KIF23: variants seen among roughly 807,000 people sequenced by gnomAD.
The protein encoded by KIF23 is kinesin-like protein KIF23.
KIF23 carries 30 observed loss-of-function variants against 137.5 expected under a neutral mutation model. That is an observed-to-expected ratio of 0.22 (90% confidence interval 0.16 to 0.30). The LOEUF (loss-of-function observed/expected upper bound fraction) is 0.30. Ranked by LOEUF, KIF23 falls within the 10% of genes least tolerant of loss-of-function variation. The probability of loss-of-function intolerance (pLI) is 1.00; values close to 1 mark genes in which losing one functional copy is unlikely to be tolerated. For missense variants in KIF23, 920 were observed against 1,194.3 expected, an observed-to-expected ratio of 0.77 and a Z score of 3.38; for synonymous variants, 367 against 391.1, an observed-to-expected ratio of 0.94 and a Z score of 0.73.
chr15:69,429,299 C>T, intron 11 of KIF23, 86 bp downstream of exon 11: 1 of 888,688 alleles, frequency 1.1e-6, no homozygotes, highest in South Asian at 1.6e-5. Flanking sequence ...ATGGGTGGTT[C>T]TTTGTTTTTT....
intron 10 of KIF23, among the ~76,000 whole-genome samples, chr15:69,428,634 G>A (rs1057445086): frequency 7.8e-6 from 1 of 127,834 alleles, no homozygotes; most frequent in African/African-American, 3.0e-5. Flanking sequence ...CAATCCAGCC[G>A]GGAGGTAGAG....
At position 69,426,387 on chromosome 15, in the gene KIF23, G is replaced by A. The variant is rs773768085; in HGVS notation, c.941G>A (p.Arg314His). 1 of 1,613,972 alleles carries A rather than the reference G, an allele frequency of 6.2e-7. No individual in the cohort carries two copies. Among genetic ancestry groups the A allele is most frequent in the Admixed American group, 1.7e-5 (1 of 60,016 alleles). ...ACCCATTTGAATCGTGAGTCCAGCC[G>A]TTCCCATAGCGTGTTCAACATTAAA... is the stretch of plus-strand genomic sequence containing the variant. ...ANTHLNRESS[R>H]SHSVFNIKLV... Residue 314 changes from arginine (R) to histidine (H), a missense_variant, in exon 10 of 24, where the codon CGT becomes CAT. Coordinates refer to ENST00000679126, the MANE Select transcript of KIF23 (RefSeq NM_001367805.3).
chr15:69,441,823 C>T lies in KIF23; in HGVS notation c.2421+744C>T, dbSNP rs1375288795. On this transcript the variant is annotated intron_variant, in intron 19 of 23. Coordinates refer to ENST00000679126, the MANE Select transcript of KIF23 (RefSeq NM_001367805.3). The stretch of plus-strand genomic sequence containing the variant: ...TCACTCTGTCACCCAGGATGGAGTG[C>T]AGTGGCATGATTATGGCTCACTGCA... 2.6e-5 allele frequency among the ~76,000 whole-genome samples: 4 copies of T among 151,394 alleles called. No homozygotes were observed. In the South Asian group the frequency reaches 8.3e-4, roughly 31 times the overall value.
chr15:69,432,934 C>G (rs1410870106), intron 11 of KIF23, among the ~76,000 whole-genome samples: 1 of 152,136 alleles, frequency 6.6e-6, no homozygotes, highest in Admixed American at 6.5e-5. Context: ...ATTGAAGGAA[C>G]TAGTGAATTC....
At chr15:69,427,316 A>G in intron 10 of KIF23, 1 of 444,758 alleles carries the variant, frequency 2.2e-6, no homozygotes, top group South Asian at 1.6e-5. Context: ...ACACCAAGGG[A>G]TGACTCTGTA....
intron 7 of KIF23, among the ~76,000 whole-genome samples, chr15:69,424,083 C>T (rs1463878384): frequency 6.6e-6 from 1 of 152,074 alleles, no homozygotes; most frequent in Non-Finnish European, 1.5e-5. Flanking sequence ...TCTAAGGGAA[C>T]ATTATTGGAG....
chr15:69,427,572 T>C, intron 10 of KIF23: 1 of 413,458 alleles, frequency 2.4e-6, no homozygotes, highest in Middle Eastern at 4.5e-4. Flanking sequence ...GTTTAGGAAG[T>C]GGCTAGTGTT....
At chr15:69,414,559 C>CAGGCGTCTCCACTCAGGA in intron 1 of KIF23, 83 bp downstream of exon 1, 1 of 1,286,972 alleles carries the variant, frequency 7.8e-7, no homozygotes, top group South Asian at 1.7e-5. Flanking sequence ...TCCACTCAGG[C>CAGGCGTCTCCACTCAGGA]CGCGGCCGTA....
At chr15:69,419,573 C>T (rs1453941244) in intron 3 of KIF23, among the ~76,000 whole-genome samples, 1 of 152,196 alleles carries the variant, frequency 6.6e-6, no homozygotes, top group Non-Finnish European at 1.5e-5. Flanking sequence ...GTTGTATAGA[C>T]TACCCAATCA....
chr15:69,440,473 C>G lies in KIF23; in HGVS notation c.2095C>G (p.Pro699Ala), dbSNP rs750899135. The G allele has an allele frequency of 6.2e-7, 1 of 1,611,266 alleles. No individual in the cohort carries two copies. The highest frequency in any genetic ancestry group is 1.1e-5 in the South Asian group (1 of 90,440). Reference sequence around the variant, plus strand: ...AAAAGTTACTCAAAGATCTGTTTCTCCATCACCTGTGCCTGTAAGTTATTT... The same window carrying G: ...AAAAGTTACTCAAAGATCTGTTTCTGCATCACCTGTGCCTGTAAGTTATTT... ...REKVTQRSVS[P>A]SPVPLSSNYI... The change falls in exon 18 of 24, where the codon CCA (proline) becomes GCA (alanine). Residue 699 changes from proline (P) to alanine (A), a missense_variant. Coordinates refer to ENST00000679126, the MANE Select transcript of KIF23 (RefSeq NM_001367805.3).
In KIF23 at chr15:69,414,378, C is replaced by T; in HGVS notation, c.-88C>T. The T allele has an allele frequency of 6.5e-7, 1 of 1,531,798 alleles. No homozygotes were observed. The highest frequency in any genetic ancestry group is 1.4e-5 in the African/African-American group (1 of 72,372). 94.9% of individuals were successfully genotyped at this position (1,531,798 alleles called of 1,614,324 possible). The stretch of plus-strand genomic sequence containing the variant: ...AGCACCGCGCCTTAGCCGCGAAGTT[C>T]TAGTTCTTGCTGCCGGTCCTAACGT... On this transcript the variant is annotated 5_prime_UTR_variant, in exon 1 of 24. Coordinates refer to ENST00000679126, the MANE Select transcript of KIF23 (RefSeq NM_001367805.3).
At chr15:69,423,916 G>T (rs1421555425) in intron 7 of KIF23, among the ~76,000 whole-genome samples, 1 of 152,162 alleles carries the variant, frequency 6.6e-6, no homozygotes, top group East Asian at 1.9e-4. Flanking sequence ...ATTTGTGCCA[G>T]AGTTGACCCT....
chr15:69,428,264 A>G lies in KIF23; in HGVS notation c.1012-847A>G, dbSNP rs534616848. Among the ~76,000 whole-genome samples the G allele has an allele frequency of 1.1e-4, 17 of 151,516 alleles. 1 individual carries two copies. In the South Asian group the frequency reaches 3.3e-3, roughly 30 times the overall value. ...GTGAGACTCTGTCTAAAAAAAAAAA[A>G]TGGTTATAAGTCAGCCTTCCATATG... On this transcript the variant is annotated intron_variant, in intron 10 of 23. Transcript: ENST00000679126.
At chr15:69,442,147 C>T (rs1341156646) in intron 19 of KIF23, among the ~76,000 whole-genome samples, 1 of 152,124 alleles carries the variant, frequency 6.6e-6, no homozygotes, top group Non-Finnish European at 1.5e-5. Context: ...AAAATAGTCT[C>T]ACCCTGTCCC....
At chr15:69,428,574 C>T (rs942087348) in intron 10 of KIF23, among the ~76,000 whole-genome samples, 21 of 141,876 alleles carry the variant, frequency 1.5e-4, no homozygotes, top group African/African-American at 5.5e-4. Flanking sequence ...GCAAGAGAAC[C>T]GCTTGAACCC....
chr15:69,416,784 G>C (rs542897663), intron 2 of KIF23, among the ~76,000 whole-genome samples: 5 of 152,004 alleles, frequency 3.3e-5, no homozygotes, highest in Non-Finnish European at 7.4e-5. Flanking sequence ...GCGAAACCCT[G>C]TCTCTACTAA....
rs556059908 is a variant in KIF23 at position 69,432,859 on chromosome 15, CTG to C, written c.1115-2621_1115-2620del. ...AAACTGTAACATGCTATAAAAATAT[CTG>C]TGATTTGTATTGATACCAATTACAG... On this transcript the variant is annotated intron_variant, in intron 11 of 23. Transcript: ENST00000679126. Among the ~76,000 whole-genome samples the C allele has an allele frequency of 2.5e-4, 38 of 152,234 alleles. 1 individual carries two copies. The East Asian group carries it at 6.7e-3, about 27-fold the overall frequency.
intron 11 of KIF23, among the ~76,000 whole-genome samples, chr15:69,430,795 G>C (rs1240043212): frequency 6.6e-6 from 1 of 152,162 alleles, no homozygotes; most frequent in East Asian, 1.9e-4. Flanking sequence ...CAACTATTAA[G>C]GGTCTAGTGT....
rs2057456144 is a variant in KIF23 at position 69,435,521 on chromosome 15, A to G, written c.1153A>G (p.Met385Val). The G allele has an allele frequency of 5.6e-6, 9 of 1,614,100 alleles. No homozygotes were observed. Among genetic ancestry groups the G allele is most frequent in the Non-Finnish European group, 7.6e-6 (9 of 1,179,968 alleles). The change falls in exon 12 of 24, where the codon ATG becomes GTG. Residue 385 changes from methionine to valine, a missense_variant. Transcript: ENST00000679126. ...NQSLMTLRTC[M>V]DVLRENQMYG... is the part of the protein sequence containing the mutation. Reference sequence around the variant, plus strand: ...GTCACTAATGACGCTAAGAACATGTATGGATGTCCTAAGAGAGAACCAAAT... The same window carrying G: ...GTCACTAATGACGCTAAGAACATGTGTGGATGTCCTAAGAGAGAACCAAAT...
Sources: allele counts gnomAD v4.1 joint callset (sites outside exome capture counted in the v4.1 genomes callset), GRCh38; gene constraint gnomAD v4.1.1; transcripts MANE v1.5; gene names NCBI Gene and HGNC (gene_info 2026-07-23, HGNC 2026-07-21).